IQSEC2: variants seen among roughly 807,000 people sequenced by gnomAD.
IQSEC2 encodes the protein IQ motif and Sec7 domain ArfGEF 2.
Under a neutral mutation model 74.6 loss-of-function variants are expected in IQSEC2, and 6 were observed. The observed-to-expected ratio is 0.08, with a 90% CI of 0.04 to 0.16. IQSEC2 has a LOEUF of 0.16. Among genes scored for constraint, IQSEC2 ranks in the 10% least tolerant of loss-of-function variants. The probability of loss-of-function intolerance (pLI) is 1.00; values close to 1 mark genes in which losing one functional copy is unlikely to be tolerated. For missense variants in IQSEC2, 734 were observed against 1,306.2 expected (o/e 0.56, Z 6.75); for synonymous variants, 494 against 544.5 (o/e 0.91, Z 1.29).
At chrX:53,246,404 C>G (rs782632598) in intron 8 of IQSEC2, among the ~76,000 whole-genome samples, 86 of 111,729 alleles carry the variant, frequency 7.7e-4, no homozygotes, top group Non-Finnish European at 1.3e-3. Context: ...TGTTAGTTAT[C>G]TGGGTGCTAC....
At chrX:53,297,491 G>T (rs1183720515) in intron 1 of IQSEC2, among the ~76,000 whole-genome samples, 1 of 109,433 alleles carries the variant, frequency 9.1e-6, no homozygotes, top group Non-Finnish European at 1.9e-5. Flanking sequence ...CACACCTGGT[G>T]AATTTTTGTA....
chrX:53,266,366 A>C, intron 2 of IQSEC2: 1 of 753,616 alleles, frequency 1.3e-6, no homozygotes, highest in Non-Finnish European at 1.6e-6. Context: ...TCCTTTGTAC[A>C]CAGCAACACG....
At chrX:53,239,086 C>A in intron 11 of IQSEC2, 109 bp downstream of exon 11, 1 of 608,885 alleles carries the variant, frequency 1.6e-6, no homozygotes, top group Non-Finnish European at 2.7e-6. Flanking sequence ...TTTGGAGACC[C>A]TTAGTCCGGT....
rs782092090 is a variant in IQSEC2 at position 53,254,905 on chromosome X, C to T, written c.1026G>A (p.Gly342=). 4.1e-6 allele frequency: 5 copies of T among 1,207,181 alleles called. No individual in the cohort carries two copies. Among genetic ancestry groups the T allele is most frequent in the Non-Finnish European group, 5.6e-6 (5 of 894,134 alleles). The change falls in exon 4 of 15, where the codon GGG becomes GGA. Residue 342 remains glycine (G), a synonymous_variant. Transcript: ENST00000642864. ...CAGCCCTGCGGCTCAGGAAGGAGCCCCCATACTTCCTCTCCAGCATTTCCA... is the reference window on the plus strand; with the variant it reads ...CAGCCCTGCGGCTCAGGAAGGAGCCTCCATACTTCCTCTCCAGCATTTCCA... ...KKVEMLERKY[G]GSFLSRRAAR...
chrX:53,246,404 C>T (rs782632598), intron 8 of IQSEC2, among the ~76,000 whole-genome samples: 17 of 111,729 alleles, frequency 1.5e-4, no homozygotes, highest in Non-Finnish European at 3.2e-4. Context: ...TGTTAGTTAT[C>T]TGGGTGCTAC....
At chrX:53,278,200 C>T (rs372583495) in intron 2 of IQSEC2, among the ~76,000 whole-genome samples, 5 of 107,859 alleles carry the variant, frequency 4.6e-5, no homozygotes, top group East Asian at 2.9e-4. Flanking sequence ...TTAGTAGAGA[C>T]GGGGTTTCAC....
rs1015645558 is a variant in IQSEC2, at chrX:53,242,307, G to A, written c.2890-398C>T. Among the ~76,000 whole-genome samples, 14 of 108,164 alleles carry A rather than the reference G, an allele frequency of 1.3e-4. No individual in the cohort carries two copies. In the East Asian group the frequency reaches 3.2e-3, roughly 25 times the overall value. The allele number at this position is 108,164 out of a possible 115,157, so 93.9% of individuals were successfully genotyped here. Reference sequence around the variant, plus strand: ...AAATTAGCTGGGTGTGGTGGTGGGCGCCTGCAATCCCAGGTACTCAGGAGG... The same window carrying A: ...AAATTAGCTGGGTGTGGTGGTGGGCACCTGCAATCCCAGGTACTCAGGAGG... On this transcript the variant is annotated intron_variant, in intron 9 of 14. Transcript: ENST00000642864.
At chrX:53,300,003 T>C (rs1034515329) in intron 1 of IQSEC2, among the ~76,000 whole-genome samples, 4 of 99,353 alleles carry the variant, frequency 4.0e-5, no homozygotes, top group Non-Finnish European at 7.7e-5. Context: ...CAAGCAATCC[T>C]CCCACCTCAG....
At chrX:53,236,624 C>T (rs781966004) in intron 12 of IQSEC2, 129 bp from the exon 13 acceptor site, 6 of 786,163 alleles carry the variant, frequency 7.6e-6, no homozygotes, top group East Asian at 3.5e-5. Flanking sequence ...CCCCAGGCTT[C>T]GTGTTTTGCC....
chrX:53,268,080 A>G (rs782010310), intron 2 of IQSEC2, among the ~76,000 whole-genome samples: 3 of 111,736 alleles, frequency 2.7e-5, no homozygotes, highest in Non-Finnish European at 5.7e-5. Context: ...GCTGGGCTAC[A>G]GTTTCATATG....
In IQSEC2 at chrX:53,279,396, T is replaced by C. The variant is rs6529669; in HGVS notation, c.737+12499A>G. On this transcript the variant is annotated intron_variant, in intron 2 of 14. Coordinates refer to ENST00000642864, the MANE Select transcript of IQSEC2 (RefSeq NM_001111125.3). Reference sequence around the variant, plus strand: ...AAGGACAAATTAGATAGATCCCAAATGTCCTCTTTGGTCTGCTGACCTGAT... The same window carrying C: ...AAGGACAAATTAGATAGATCCCAAACGTCCTCTTTGGTCTGCTGACCTGAT... 0.18 allele frequency: 75,908 copies of C among 417,475 alleles called. 7,967 individuals carry two copies. The highest frequency in any genetic ancestry group is 0.54 in the African/African-American group (21,228 of 39,389). The allele number at this position is 417,475 out of a possible 1,213,427, so 34.4% of individuals were successfully genotyped here.
At chrX:53,297,865 C>T (rs1350263075) in intron 1 of IQSEC2, among the ~76,000 whole-genome samples, 1 of 111,467 alleles carries the variant, frequency 9.0e-6, no homozygotes, top group Non-Finnish European at 1.9e-5. Flanking sequence ...CGTGGTGGCT[C>T]ATGCCTGTAA....
At chrX:53,267,683 C>T (rs1421107532) in intron 2 of IQSEC2, among the ~76,000 whole-genome samples, 1 of 111,526 alleles carries the variant, frequency 9.0e-6, no homozygotes, top group Non-Finnish European at 1.9e-5. Flanking sequence ...AAATGGAGTA[C>T]GGAAAGCCCA....
chrX:53,270,134 G>A (rs1384709347), intron 2 of IQSEC2, among the ~76,000 whole-genome samples: 1 of 110,543 alleles, frequency 9.0e-6, no homozygotes, highest in Middle Eastern at 4.2e-3. Flanking sequence ...GCTCTCATAG[G>A]GACCTCTGAC....
chrX:53,320,092 T>C (rs1353526866), intron 1 of IQSEC2, among the ~76,000 whole-genome samples: 1 of 110,103 alleles, frequency 9.1e-6, no homozygotes, highest in African/African-American at 3.3e-5. Context: ...ATACCCAAAA[T>C]AAATAAATAA....
intron 2 of IQSEC2, among the ~76,000 whole-genome samples, chrX:53,269,747 T>C (rs2074711944): frequency 1.8e-5 from 2 of 111,000 alleles, no homozygotes; most frequent in African/African-American, 6.6e-5. Flanking sequence ...CTGAGGAAGG[T>C]CGCCCAGGCC....
chrX:53,254,641 G>A lies in IQSEC2; in HGVS notation c.1290C>T (p.Leu430=). The A allele has an allele frequency of 8.3e-7, 1 of 1,206,543 alleles. No individual in the cohort carries two copies. The highest frequency in any genetic ancestry group is 1.1e-6 in the Non-Finnish European group (1 of 892,638). Residue 430 remains leucine (L), a synonymous_variant, in exon 4 of 15, where the codon CTC becomes CTT. Coordinates refer to ENST00000642864, the MANE Select transcript of IQSEC2 (RefSeq NM_001111125.3). The part of the protein sequence containing the change: ...GARSHRLERG[L]PYGGSCGGGI... ...CCCCACCACAGGAGCCTCCATATGG[G>A]AGCCCCCGTTCAAGCCGGTGGCTCC...
At chrX:53,241,538 T>C (rs2074221398) in intron 10 of IQSEC2, among the ~76,000 whole-genome samples, 1 of 111,950 alleles carries the variant, frequency 8.9e-6, no homozygotes, top group South Asian at 3.7e-4. Flanking sequence ...AGGTTGTAAG[T>C]CTGTCATCTC....
At chrX:53,278,301 C>T (rs868965020) in intron 2 of IQSEC2, among the ~76,000 whole-genome samples, 1 of 111,114 alleles carries the variant, frequency 9.0e-6, no homozygotes, top group Non-Finnish European at 1.9e-5. Context: ...TGAGCCACTG[C>T]GCCTGGCCCC....
Sources: allele counts gnomAD v4.1 joint callset (sites outside exome capture counted in the v4.1 genomes callset), GRCh38; gene constraint gnomAD v4.1.1; transcripts MANE v1.5; gene names NCBI Gene and HGNC (gene_info 2026-07-23, HGNC 2026-07-21).